The following UIMC1 variants were observed in gnomAD, a reference collection of about 807,000 sequenced individuals.
UIMC1 encodes BRCA1-A complex subunit RAP80.
A neutral mutation model predicts 84.9 loss-of-function variants in UIMC1; 42 were observed. That is an observed-to-expected ratio of 0.49 (90% CI 0.39 to 0.64). UIMC1 has a LOEUF of 0.64. Among genes scored for constraint, UIMC1 ranks in the 30% least tolerant of loss-of-function variants. The pLI, the probability that UIMC1 is intolerant of heterozygous loss-of-function variation, is 0.00. For synonymous variants in UIMC1, 281 were observed against 293.0 expected, an observed-to-expected ratio of 0.96 and a Z score of 0.42; for missense variants, 825 against 847.6, an observed-to-expected ratio of 0.97 and a Z score of 0.33.
In UIMC1 at chr5:176,970,729, A is replaced by G; in HGVS notation, c.357+13T>C. On this transcript the variant is annotated intron_variant, in intron 4 of 14. Transcript: ENST00000511320. ...ATCAATCTCCACAAACTTTTGCAAC[A>G]TGGCATATTTACATTCAGGCTTTCA... is the stretch of plus-strand genomic sequence containing the variant. The G allele has an allele frequency of 6.2e-7, 1 of 1,614,010 alleles. No homozygotes were observed. Among genetic ancestry groups the G allele is most frequent in the Non-Finnish European group, 8.5e-7 (1 of 1,179,998 alleles).
intron 10 of UIMC1, among the ~76,000 whole-genome samples, chr5:176,930,345 A>T (rs915920310): frequency 1.3e-5 from 2 of 152,212 alleles, no homozygotes; most frequent in African/African-American, 4.8e-5. Context: ...TTTTTCAAAA[A>T]AATCTGAACA....
chr5:176,991,540 G>C (rs182908277), intron 1 of UIMC1, among the ~76,000 whole-genome samples: 1 of 145,816 alleles, frequency 6.9e-6, no homozygotes, highest in Non-Finnish European at 1.5e-5. Flanking sequence ...CCAACATGGA[G>C]AAATCCCATC....
At position 176,970,746 on chromosome 5, in the gene UIMC1, A is replaced by G; in HGVS notation, c.353T>C (p.Leu118Pro). The stretch of plus-strand genomic sequence containing the variant: ...TTTGCAACATGGCATATTTACATTC[A>G]GGCTTTCAGCAATGGCTTTCCTCAA... ...ELLRKAIAES[L>P]NSCRPSDASA... Residue 118 changes from leucine to proline, a missense_variant, in exon 4 of 15, where the codon CTG (leucine) becomes CCG (proline). Physicochemically the swap from Leu to Pro is moderately conservative, Grantham distance 98. Transcript: ENST00000511320. 1 of 1,614,118 alleles carries G rather than the reference A, an allele frequency of 6.2e-7. No homozygotes were observed. Among genetic ancestry groups the G allele is most frequent in the Non-Finnish European group, 8.5e-7 (1 of 1,180,030 alleles).
At chr5:176,967,825 T>C (rs962138286) in intron 6 of UIMC1, among the ~76,000 whole-genome samples, 2 of 150,444 alleles carry the variant, frequency 1.3e-5, no homozygotes, top group Non-Finnish European at 2.9e-5. Context: ...GATCGCTTGA[T>C]CCCAGAGGTG....
At chr5:176,990,611 G>A (rs965880931) in intron 1 of UIMC1, among the ~76,000 whole-genome samples, 3 of 152,086 alleles carry the variant, frequency 2.0e-5, no homozygotes, top group African/African-American at 7.2e-5. Flanking sequence ...TAACAGAAAT[G>A]GAAAAAACAC....
intron 10 of UIMC1, among the ~76,000 whole-genome samples, chr5:176,916,997 T>C (rs1003141014): frequency 5.3e-5 from 8 of 152,204 alleles, no homozygotes; most frequent in African/African-American, 1.9e-4. Context: ...CCAGAAATTA[T>C]ATATACAAAG....
At position 176,986,586 on chromosome 5, in the gene UIMC1, TC is replaced by T. The variant is rs566143339; in HGVS notation, c.-8-3964del. Among the ~76,000 whole-genome samples, 20 of 137,752 alleles carry T rather than the reference TC, an allele frequency of 1.5e-4. 1 individual carries two copies. In the South Asian group the frequency reaches 4.9e-3, roughly 34 times the overall value. 90.4% of individuals were successfully genotyped at this position (137,752 alleles called of 152,430 possible). ...TGGGCACACTGGCTCACACCTATAA[TC>T]CCAGTATTTTGGGAGACCAAAGCAG... On this transcript the variant is annotated intron_variant, in intron 1 of 14. Transcript: ENST00000511320.
At chr5:176,916,605 T>C (rs1761006202) in intron 10 of UIMC1, among the ~76,000 whole-genome samples, 1 of 152,204 alleles carries the variant, frequency 6.6e-6, no homozygotes, top group Admixed American at 6.5e-5. Context: ...TTGCTAACAA[T>C]CATATCAGAT....
intron 9 of UIMC1, among the ~76,000 whole-genome samples, chr5:176,945,673 T>C (rs1354971847): frequency 6.6e-6 from 1 of 152,170 alleles, no homozygotes; most frequent in Non-Finnish European, 1.5e-5. Context: ...TGGGCGCCTG[T>C]CCATATGGAT....
chr5:176,966,829 CTATA>C (rs1227337212), intron 6 of UIMC1, among the ~76,000 whole-genome samples: 1 of 152,068 alleles, frequency 6.6e-6, no homozygotes, highest in East Asian at 1.9e-4. Flanking sequence ...ACTTTCTCTA[CTATA>C]TAAAGTGTAT....
chr5:176,975,599 T>C (rs1769938617), intron 2 of UIMC1, 119 bp from the exon 3 acceptor site: 4 of 886,474 alleles, frequency 4.5e-6, no homozygotes, highest in East Asian at 5.0e-5. Context: ...GTTATAAATA[T>C]GCACATAAAA....
chr5:176,963,476 G>A (rs562740547), intron 6 of UIMC1, among the ~76,000 whole-genome samples: 246 of 150,430 alleles, frequency 1.6e-3, no homozygotes, highest in African/African-American at 5.7e-3. Context: ...AGCTGAGATC[G>A]TGTCACTGCA....
At chr5:177,008,294 C>G (rs1264398582), upstream of UIMC1, among the ~76,000 whole-genome samples, 1 of 152,154 alleles carries the variant, frequency 6.6e-6, no homozygotes, top group African/African-American at 2.4e-5. Context: ...CCCACCTGAA[C>G]CATTTCTTCC....
At chr5:176,914,069 T>TACCATACCACACCAC (rs1343483368) in intron 10 of UIMC1, among the ~76,000 whole-genome samples, 4 of 144,496 alleles carry the variant, frequency 2.8e-5, no homozygotes, top group East Asian at 1.9e-4. Flanking sequence ...TACCATACCA[T>TACCATACCACACCAC]ACCACACCAC....
intron 1 of UIMC1, among the ~76,000 whole-genome samples, chr5:176,998,186 T>C (rs2149533173): frequency 1.3e-5 from 2 of 152,120 alleles, no homozygotes; most frequent in East Asian, 1.9e-4. Flanking sequence ...TGATAGGGGA[T>C]CAATAAATAC....
rs1561696092 is a variant in UIMC1 at position 176,905,336 on chromosome 5, C to A, written c.2106G>T (p.Gln702His). 6.2e-7 allele frequency: 1 copy of A among 1,614,116 alleles called. No homozygotes were observed. The highest frequency in any genetic ancestry group is 8.5e-7 in the Non-Finnish European group (1 of 1,179,990). Residue 702 changes from glutamine to histidine, a missense_variant, in exon 15 of 15, where the codon CAG becomes CAT. Physicochemically the swap from Gln to His is conservative, Grantham distance 24. Coordinates refer to ENST00000511320, the MANE Select transcript of UIMC1 (RefSeq NM_001199298.2). ...LVDFKKQVTV[Q>H]PGSRTRTKAG... ...CTTTGGTCCGTGTCCGACTACCTGG[C>A]TGGACAGTAACTTGCTTTTTAAAGT... is the stretch of plus-strand genomic sequence containing the variant.
In UIMC1 at chr5:176,977,734, A is replaced by AC. The variant is rs558542891; in HGVS notation, c.148-2255dup. On this transcript the variant is annotated intron_variant, in intron 2 of 14. Transcript: ENST00000511320. ...AGACCAGCCTGGCCAACATGGTAAA[A>AC]CCCCCTCTCTACTAAAAATACAAAA... Among the ~76,000 whole-genome samples the AC allele has an allele frequency of 7.2e-5, 11 of 151,854 alleles. No individual in the cohort carries two copies. The East Asian group carries it at 2.1e-3, about 29-fold the overall frequency.
chr5:176,938,951 TAA>T (rs558223904), intron 10 of UIMC1, among the ~76,000 whole-genome samples: 4 of 144,044 alleles, frequency 2.8e-5, no homozygotes, highest in Admixed American at 7.0e-5. Flanking sequence ...TAGCACCATT[TAA>T]AAAAAAAAAA....
At chr5:176,993,438 C>G (rs983932645) in intron 1 of UIMC1, among the ~76,000 whole-genome samples, 1 of 152,078 alleles carries the variant, frequency 6.6e-6, no homozygotes, top group Non-Finnish European at 1.5e-5. Flanking sequence ...ATCCTCCCAC[C>G]CAGGTCTCCC....
Sources: allele counts gnomAD v4.1 joint callset (sites outside exome capture counted in the v4.1 genomes callset), GRCh38; gene constraint gnomAD v4.1.1; transcripts MANE v1.5; gene names NCBI Gene and HGNC (gene_info 2026-07-23, HGNC 2026-07-21).